Variants in ZC2HC1A observed in about 807,000 individuals in gnomAD.
ZC2HC1A encodes zinc finger C2HC domain-containing protein 1A.
Under a neutral mutation model 40.7 loss-of-function variants are expected in ZC2HC1A, and 28 were observed. The ratio of observed to expected loss-of-function variants is 0.69; its 90% confidence interval spans 0.51 to 0.94. The LOEUF (loss-of-function observed/expected upper bound fraction) is 0.94. ZC2HC1A is among the 40% of genes least tolerant of loss of function. The pLI, the probability that ZC2HC1A is intolerant of heterozygous loss-of-function variation, is 0.00. For missense variants in ZC2HC1A, 389 were observed against 386.3 expected (o/e 1.01, Z -0.06); for synonymous variants, 129 against 129.2 (o/e 1.00, Z 0.01).
intron 1 of ZC2HC1A, 91 bp downstream of exon 1, chr8:78,666,255 G>T: frequency 6.5e-7 from 1 of 1,535,886 alleles, no homozygotes; most frequent in South Asian, 1.2e-5. Flanking sequence ...GGCGAGGGCT[G>T]GTTCGGTGCG....
intron 7 of ZC2HC1A, among the ~76,000 whole-genome samples, chr8:78,706,437 G>A (rs762993365): frequency 1.3e-5 from 2 of 152,156 alleles, no homozygotes; most frequent in Non-Finnish European, 2.9e-5. Flanking sequence ...ATGTCAGACT[G>A]AAGGCTCTAG....
chr8:78,686,170 G>A (rs1809963626), intron 3 of ZC2HC1A, among the ~76,000 whole-genome samples: 2 of 152,128 alleles, frequency 1.3e-5, no homozygotes, highest in African/African-American at 2.4e-5. Flanking sequence ...ATGAGTTTTG[G>A]AGGGAACATT....
intron 7 of ZC2HC1A, among the ~76,000 whole-genome samples, chr8:78,705,282 A>G (rs1365394191): frequency 6.6e-6 from 1 of 152,052 alleles, no homozygotes; most frequent in Non-Finnish European, 1.5e-5. Context: ...GAGGCTGCTT[A>G]CCTTTGGATG....
chr8:78,668,618 T>C lies in ZC2HC1A; in HGVS notation c.16+2454T>C, dbSNP rs894253741. 2.0e-5 allele frequency among the ~76,000 whole-genome samples: 3 copies of C among 152,320 alleles called. No individual in the cohort carries two copies. The East Asian group carries it at 5.8e-4, about 29-fold the overall frequency. ...GTCTTTATGCTTCTTGAATAGTCAA[T>C]AGATGAGGTATTAGGCTCAAACACT... is the stretch of plus-strand genomic sequence containing the variant. On this transcript the variant is annotated intron_variant, in intron 1 of 8. Coordinates refer to ENST00000263849, the MANE Select transcript of ZC2HC1A (RefSeq NM_016010.3).
chr8:78,717,500 T>C lies in ZC2HC1A; in HGVS notation c.*7T>C, dbSNP rs754984633. 9.1e-6 allele frequency: 13 copies of C among 1,430,656 alleles called. No individual in the cohort carries two copies. Among genetic ancestry groups the C allele is most frequent in the Non-Finnish European group, 1.2e-5 (13 of 1,094,226 alleles). 88.6% of individuals were successfully genotyped at this position (1,430,656 alleles called of 1,614,324 possible). A position where few individuals can be genotyped will look rare whatever the true frequency, so the allele number is the denominator to read the frequency against. On this transcript the variant is annotated 3_prime_UTR_variant, in exon 9 of 9. Transcript: ENST00000263849. Reference sequence around the variant, plus strand: ...TCGAAGAATGATTCTATGAATAGAATCTCAAAAAAAAAAAAAAGCCAAGTT... The same window carrying C: ...TCGAAGAATGATTCTATGAATAGAACCTCAAAAAAAAAAAAAAGCCAAGTT...
At chr8:78,696,474 G>A (rs918634079) in intron 5 of ZC2HC1A, among the ~76,000 whole-genome samples, 8 of 152,228 alleles carry the variant, frequency 5.3e-5, no homozygotes, top group Admixed American at 3.3e-4. Context: ...CTGCTGTGAA[G>A]TTGGGGCATA....
chr8:78,667,917 G>A (rs750784123), intron 1 of ZC2HC1A, among the ~76,000 whole-genome samples: 2 of 151,764 alleles, frequency 1.3e-5, no homozygotes, highest in African/African-American at 2.4e-5. Flanking sequence ...ATGTTATAGG[G>A]CCCAGCTTAT....
intron 7 of ZC2HC1A, among the ~76,000 whole-genome samples, chr8:78,709,184 T>C (rs950334623): frequency 2.0e-5 from 3 of 152,190 alleles, no homozygotes; most frequent in African/African-American, 7.2e-5. Flanking sequence ...ACATTTACTT[T>C]GGAGAGCAAC....
chr8:78,678,504 C>A, intron 2 of ZC2HC1A, 59 bp from the exon 3 acceptor site: 2 of 1,340,582 alleles, frequency 1.5e-6, no homozygotes, highest in Non-Finnish European at 2.1e-6. Context: ...AAATAAAGTT[C>A]TGTAGTCTTA....
At chr8:78,666,629 C>G (rs1809307132) in intron 1 of ZC2HC1A, among the ~76,000 whole-genome samples, 2 of 152,192 alleles carry the variant, frequency 1.3e-5, no homozygotes, top group South Asian at 4.1e-4. Flanking sequence ...TGGCCGATTT[C>G]CCTAGGTAAC....
In ZC2HC1A at chr8:78,669,060, G is replaced by A. The variant is rs369651104; in HGVS notation, c.16+2896G>A. 3.1e-4 allele frequency among the ~76,000 whole-genome samples: 43 copies of A among 136,666 alleles called. 1 individual carries two copies. The South Asian group carries it at 0.011, about 35-fold the overall frequency. The allele number at this position is 136,666 out of a possible 152,430, so 89.7% of individuals were successfully genotyped here. A position where few individuals can be genotyped will look rare whatever the true frequency, so the allele number is the denominator to read the frequency against. On this transcript the variant is annotated intron_variant, in intron 1 of 8. Coordinates refer to ENST00000263849, the MANE Select transcript of ZC2HC1A (RefSeq NM_016010.3). ...CAGTGTAGCCCTTGGTTTAAAGATAGTCGTGTCTCATCAAAATTTCTGTTT... is the reference window on the plus strand; with the variant it reads ...CAGTGTAGCCCTTGGTTTAAAGATAATCGTGTCTCATCAAAATTTCTGTTT...
In ZC2HC1A at chr8:78,697,444, G is replaced by A; in HGVS notation, c.542G>A (p.Gly181Glu). 1 of 1,609,110 alleles carries A rather than the reference G, an allele frequency of 6.2e-7. No individual in the cohort carries two copies. Among genetic ancestry groups the A allele is most frequent in the Non-Finnish European group, 8.5e-7 (1 of 1,178,710 alleles). The change falls in exon 6 of 9, where the codon GGA becomes GAA. Residue 181 changes from glycine (G) to glutamate (E), a missense_variant. Gly to Glu is a moderately conservative substitution (Grantham distance 98). Transcript: ENST00000263849. Reference protein sequence around the residue: ...PPALKKSNSPGTASSGSSRLP... With the variant: ...PPALKKSNSPETASSGSSRLP... ...GCACTTAAAAAGTCAAATTCTCCTG[G>A]AACTGCATCATCAGGATCTTCACGA...
intron 1 of ZC2HC1A, among the ~76,000 whole-genome samples, chr8:78,671,294 G>A (rs1809432117): frequency 6.6e-6 from 1 of 152,162 alleles, no homozygotes; most frequent in African/African-American, 2.4e-5. Context: ...TCAACAGTGT[G>A]TGCCAGATAG....
At chr8:78,689,558 A>AT (rs1810141516) in intron 5 of ZC2HC1A, among the ~76,000 whole-genome samples, 185 bp downstream of exon 5, 1 of 151,908 alleles carries the variant, frequency 6.6e-6, no homozygotes, top group Non-Finnish European at 1.5e-5. Context: ...TTTCAAGCTA[A>AT]TTGTGTATAG....
At chr8:78,682,082 A>T (rs1204470019) in intron 3 of ZC2HC1A, among the ~76,000 whole-genome samples, 1 of 152,050 alleles carries the variant, frequency 6.6e-6, no homozygotes, top group African/African-American at 2.4e-5. Flanking sequence ...TGGATTCAAC[A>T]CATAATTCTT....
intron 7 of ZC2HC1A, among the ~76,000 whole-genome samples, chr8:78,712,690 A>G (rs1288788923): frequency 6.6e-6 from 1 of 152,140 alleles, no homozygotes; most frequent in Non-Finnish European, 1.5e-5. Context: ...GCTGGCTGAA[A>G]AGAGTGTGTG....
At chr8:78,716,769 G>A (rs757733090) in intron 8 of ZC2HC1A, among the ~76,000 whole-genome samples, 20 of 152,136 alleles carry the variant, frequency 1.3e-4, no homozygotes, top group Non-Finnish European at 2.6e-4. Context: ...AACCCTCAAC[G>A]TTAGAGGAGG....
chr8:78,712,228 G>A, intron 7 of ZC2HC1A: 1 of 416,298 alleles, frequency 2.4e-6, no homozygotes, highest in Non-Finnish European at 3.9e-6. Flanking sequence ...TAATTTCTAA[G>A]CCAAAATGTG....
rs77127864 is a variant in ZC2HC1A, at chr8:78,687,203, C to G, written c.352+595C>G. 6.2e-3 allele frequency among the ~76,000 whole-genome samples: 935 copies of G among 151,944 alleles called. 8 individuals carry two copies. The highest frequency in any genetic ancestry group is 0.021 in the African/African-American group (886 of 41,482). On this transcript the variant is annotated intron_variant, in intron 4 of 8. Transcript: ENST00000263849. ...AAAACTTAAAGTGACAAAGTTGACA[C>G]TTTGACATTCCTTATTAGAGCAGCC...
Sources: allele counts gnomAD v4.1 joint callset (sites outside exome capture counted in the v4.1 genomes callset), GRCh38; gene constraint gnomAD v4.1.1; transcripts MANE v1.5; gene names NCBI Gene and HGNC (gene_info 2026-07-23, HGNC 2026-07-21).